NME7: variants seen among roughly 807,000 people sequenced by gnomAD.
NME7 encodes NME/NM23 family member 7.
NME7 carries 41 observed loss-of-function variants against 49.1 expected under a neutral mutation model. That is an observed-to-expected ratio of 0.83 (90% CI 0.65 to 1.08). NME7 has a LOEUF of 1.08. NME7 is among the 50% of genes least tolerant of loss of function. The probability of loss-of-function intolerance (pLI) is 0.00; values close to 1 mark genes in which losing one functional copy is unlikely to be tolerated. For synonymous variants in NME7, 139 were observed against 150.6 expected (o/e 0.92, Z 0.56); for missense variants, 423 against 463.4 (o/e 0.91, Z 0.80).
chr1:169,236,937 A>G (rs1647880125), intron 8 of NME7, among the ~76,000 whole-genome samples: 1 of 152,080 alleles, frequency 6.6e-6, no homozygotes, highest in Admixed American at 6.6e-5. Flanking sequence ...AAACACTGTA[A>G]AAACCAAATT....
intron 1 of NME7, among the ~76,000 whole-genome samples, chr1:169,340,487 C>T (rs1414256006): frequency 6.6e-6 from 1 of 152,136 alleles, no homozygotes; most frequent in African/African-American, 2.4e-5. Flanking sequence ...AGAATTGGTA[C>T]CAGCAGAGTG....
intron 1 of NME7, among the ~76,000 whole-genome samples, chr1:169,327,196 G>A (rs1452941084): frequency 1.3e-5 from 2 of 152,148 alleles, no homozygotes; most frequent in African/African-American, 4.8e-5. Context: ...GTCTGTCACA[G>A]ATGCTCTGAT....
At position 169,258,681 on chromosome 1, in the gene NME7, C is replaced by A. The variant is rs553288831; in HGVS notation, c.755-20994G>T. Among the ~76,000 whole-genome samples the A allele has an allele frequency of 6.2e-4, 82 of 131,632 alleles. 17 individuals are homozygous for A. The highest frequency in any genetic ancestry group is 6.4e-4 in the Non-Finnish European group (36 of 56,282). 86.4% of individuals were successfully genotyped at this position (131,632 alleles called of 152,430 possible). A position where few individuals can be genotyped will look rare whatever the true frequency, so the allele number is the denominator to read the frequency against. On this transcript the variant is annotated intron_variant, in intron 7 of 11. Coordinates refer to ENST00000367811, the MANE Select transcript of NME7 (RefSeq NM_013330.5). ...AATAGACTAATACCACAACACGGAT[C>A]ACAAGGTATATAATTCTTGCTCCTT...
At chr1:169,219,642 C>T (rs865994092) in intron 10 of NME7, among the ~76,000 whole-genome samples, 5 of 152,140 alleles carry the variant, frequency 3.3e-5, no homozygotes, top group Admixed American at 2.0e-4. Context: ...TCAAGTGATC[C>T]TTACACCTCA....
At chr1:169,134,929 C>CT (rs1226912753) in intron 11 of NME7, among the ~76,000 whole-genome samples, 2 of 139,472 alleles carry the variant, frequency 1.4e-5, no homozygotes, top group African/African-American at 2.7e-5. Context: ...TATCCTAACA[C>CT]TTTAAGAGTC....
At chr1:169,283,747 T>C (rs549999086) in intron 7 of NME7, 1 of 152,328 alleles carries the variant, frequency 6.6e-6, no homozygotes, top group Admixed American at 6.5e-5. Flanking sequence ...TGAAAATTCT[T>C]TTCTTTAAGA....
At chr1:169,133,647 G>C (rs565764424) in intron 11 of NME7, among the ~76,000 whole-genome samples, 1 of 152,350 alleles carries the variant, frequency 6.6e-6, no homozygotes, top group East Asian at 1.9e-4. Flanking sequence ...TATGAAAAAT[G>C]GCACAACTGC....
At chr1:169,197,293 T>C (rs1232529671) in intron 10 of NME7, among the ~76,000 whole-genome samples, 1 of 152,176 alleles carries the variant, frequency 6.6e-6, no homozygotes, top group Non-Finnish European at 1.5e-5. Flanking sequence ...GAAATTTATT[T>C]ATGAAATTTC....
At chr1:169,164,923 T>C (rs1659365326) in intron 11 of NME7, among the ~76,000 whole-genome samples, 1 of 152,220 alleles carries the variant, frequency 6.6e-6, no homozygotes, top group African/African-American at 2.4e-5. Flanking sequence ...TTGCCAGCAG[T>C]GGGCATTATT....
intron 10 of NME7, among the ~76,000 whole-genome samples, chr1:169,187,230 G>A (rs191195422): frequency 3.3e-5 from 5 of 151,474 alleles, no homozygotes; most frequent in South Asian, 4.2e-4. Flanking sequence ...GAATGATTTC[G>A]GGTGGAGAGT....
At chr1:169,200,047 C>T (rs1660503206) in intron 10 of NME7, among the ~76,000 whole-genome samples, 1 of 151,616 alleles carries the variant, frequency 6.6e-6, no homozygotes, top group African/African-American at 2.4e-5. Flanking sequence ...GTCAACTACA[C>T]ACCAAGCACC....
At chr1:169,364,287 G>C (rs375701546) in intron 1 of NME7, among the ~76,000 whole-genome samples, 43 of 152,238 alleles carry the variant, frequency 2.8e-4, no homozygotes, top group African/African-American at 9.9e-4. Flanking sequence ...AAGTACAATA[G>C]GAGAGATGTA....
chr1:169,351,223 A>G (rs1339022424), intron 1 of NME7, among the ~76,000 whole-genome samples: 1 of 152,106 alleles, frequency 6.6e-6, no homozygotes, highest in Non-Finnish European at 1.5e-5. Flanking sequence ...CAATCCAGTG[A>G]TACATCATAA....
chr1:169,149,083 C>T (rs1398087726), intron 11 of NME7, among the ~76,000 whole-genome samples: 1 of 152,184 alleles, frequency 6.6e-6, no homozygotes, highest in Non-Finnish European at 1.5e-5. Flanking sequence ...GTGGCTGACG[C>T]CTGTAATCCT....
intron 10 of NME7, chr1:169,190,640 C>T (rs1015114562): frequency 2.3e-6 from 1 of 435,380 alleles, no homozygotes; most frequent in Non-Finnish European, 4.6e-6. Context: ...TTTTAATACT[C>T]ACGGAACAGA....
chr1:169,167,746 T>A (rs1557970449), intron 11 of NME7, among the ~76,000 whole-genome samples: 1 of 152,150 alleles, frequency 6.6e-6, no homozygotes, highest in Non-Finnish European at 1.5e-5. Flanking sequence ...TTCAGTTTCC[T>A]AAAAAAACAG....
At chr1:169,196,821 G>A (rs757026551) in intron 10 of NME7, among the ~76,000 whole-genome samples, 3 of 152,146 alleles carry the variant, frequency 2.0e-5, no homozygotes, top group African/African-American at 4.8e-5. Context: ...ATACGGCTAC[G>A]CAGCAAGTTA....
chr1:169,269,345 G>GTGA (rs1649415207), intron 7 of NME7, among the ~76,000 whole-genome samples: 1 of 133,850 alleles, frequency 7.5e-6, no homozygotes, highest in South Asian at 2.3e-4. Flanking sequence ...TTTTCAGATA[G>GTGA]AACAGAACAC....
At position 169,257,528 on chromosome 1, in the gene NME7, C is replaced by T. The variant is rs533859880; in HGVS notation, c.755-19841G>A. Among the ~76,000 whole-genome samples, 103 of 133,966 alleles carry T rather than the reference C, an allele frequency of 7.7e-4. 10 individuals carry two copies. The highest frequency in any genetic ancestry group is 2.5e-3 in the African/African-American group (98 of 39,616). 87.9% of individuals were successfully genotyped at this position (133,966 alleles called of 152,430 possible). On this transcript the variant is annotated intron_variant, in intron 7 of 11. Coordinates refer to ENST00000367811, the MANE Select transcript of NME7 (RefSeq NM_013330.5). ...AAATGCAGAAATCACCCGTCTTCTG[C>T]GTCGCTCACGCTGGGAGCTGTAGAC...
Sources: gnomAD v4.1 joint callset for allele counts (sites outside exome capture counted in the v4.1 genomes callset) on GRCh38, gnomAD v4.1.1 for gene constraint, MANE v1.5 for transcripts, NCBI Gene and HGNC (gene_info 2026-07-23, HGNC 2026-07-21) for gene names.